DCHS2: variants seen among roughly 807,000 people sequenced by gnomAD.
The protein encoded by DCHS2 is dachsous cadherin-related 2.
A neutral mutation model predicts 182.4 loss-of-function variants in DCHS2; 142 were observed. The observed-to-expected ratio is 0.78, with a 90% CI of 0.68 to 0.89. The LOEUF is 0.89. DCHS2 is among the 40% of genes least tolerant of loss of function. The probability of loss-of-function intolerance (pLI) is 0.00; values close to 1 mark genes in which losing one functional copy is unlikely to be tolerated. For missense variants in DCHS2, 4,319 were observed against 4,198.6 expected, an observed-to-expected ratio of 1.03 and a Z score of -0.79; for synonymous variants, 1,740 against 1,663.3, an observed-to-expected ratio of 1.05 and a Z score of -1.12.
intron 12 of DCHS2, among the ~76,000 whole-genome samples, chr4:154,301,648 G>T (rs1735197834): frequency 6.6e-6 from 1 of 152,156 alleles, no homozygotes; most frequent in Non-Finnish European, 1.5e-5. Context: ...TGGGATTACA[G>T]GCATGTGCCA....
intron 3 of DCHS2, among the ~76,000 whole-genome samples, chr4:154,357,577 G>A (rs1729933253): frequency 6.6e-6 from 1 of 152,144 alleles, no homozygotes; most frequent in Non-Finnish European, 1.5e-5. Flanking sequence ...TCCCCAGCAA[G>A]CTTTTGTCTC....
chr4:154,344,413 G>A (rs1729261602), intron 3 of DCHS2, among the ~76,000 whole-genome samples: 1 of 152,090 alleles, frequency 6.6e-6, no homozygotes. Context: ...ATGGCTACTA[G>A]GTCATTTATC....
chr4:154,396,911 T>C (rs1731950755), intron 1 of DCHS2, among the ~76,000 whole-genome samples: 1 of 152,192 alleles, frequency 6.6e-6, no homozygotes, highest in Admixed American at 6.6e-5. Flanking sequence ...ATAGTGACCA[T>C]CTCCTATTTG....
At chr4:154,484,869 G>C (rs571411118) in intron 1 of DCHS2, among the ~76,000 whole-genome samples, 2 of 152,132 alleles carry the variant, frequency 1.3e-5, no homozygotes, top group Non-Finnish European at 2.9e-5. Context: ...CATCCTAAGT[G>C]GTTCTCTTTT....
In DCHS2 at chr4:154,234,874, C is replaced by T. The variant is rs1386756185; in HGVS notation, c.9778G>A (p.Glu3260Lys). The change falls in exon 20 of 20, where the codon GAA (glutamate) becomes AAA (lysine). Residue 3260 changes from glutamate to lysine, a missense_variant. Glu to Lys is a moderately conservative substitution (Grantham distance 56). Transcript: ENST00000357232. ...VFNDIAKLKD[E>K]HLHMPGIPKE... Reference sequence around the variant, plus strand: ...GGAATGCCAGGCATATGCAAATGTTCATCCTTTAGTTTTGCAATATCATTA... The same window carrying T: ...GGAATGCCAGGCATATGCAAATGTTTATCCTTTAGTTTTGCAATATCATTA... The T allele has an allele frequency of 3.7e-6, 6 of 1,613,996 alleles. No homozygotes were observed. The highest frequency in any genetic ancestry group is 5.1e-6 in the Non-Finnish European group (6 of 1,179,950).
chr4:154,236,154 TC>T lies in DCHS2; in HGVS notation c.8497del (p.Asp2833IlefsTer32). Reference sequence around the variant, plus strand: ...GTCAAGGATTTGCTTAGCATGAATATCCCCTGTCAAAGGGTCAATGAGGAAG... The same window carrying T: ...GTCAAGGATTTGCTTAGCATGAATATCCCTGTCAAAGGGTCAATGAGGAAG... Reference protein sequence around the residue: ...DLFLIDPLTGDIHAKQILDYE... With the variant: ...DLFLIDPLTGXIHAKQILDYE... On this transcript the variant is annotated frameshift_variant, in exon 20 of 20. Transcript: ENST00000357232. LOFTEE classifies it low-confidence loss of function (END_TRUNC). 1 of 1,613,766 alleles carries T rather than the reference TC, an allele frequency of 6.2e-7. No individual in the cohort carries two copies. Among genetic ancestry groups the T allele is most frequent in the Non-Finnish European group, 8.5e-7 (1 of 1,179,944 alleles).
At chr4:154,324,487 C>T (rs2111344431) in intron 7 of DCHS2, among the ~76,000 whole-genome samples, 1 of 152,250 alleles carries the variant, frequency 6.6e-6, no homozygotes, top group East Asian at 1.9e-4. Flanking sequence ...CACTTCTAGG[C>T]CTTTTCAGTG....
intron 1 of DCHS2, among the ~76,000 whole-genome samples, chr4:154,433,395 C>CTTTTTTTTTTTT (rs61553613): frequency 2.9e-5 from 3 of 103,866 alleles, no homozygotes; most frequent in African/African-American, 7.2e-5. Flanking sequence ...TTTTTTTTTC[C>CTTTTTTTTTTTT]TTTTTTTTTT....
At chr4:154,270,455 C>A (rs2111205088) in intron 13 of DCHS2, among the ~76,000 whole-genome samples, 1 of 151,842 alleles carries the variant, frequency 6.6e-6, no homozygotes, top group Non-Finnish European at 1.5e-5. Flanking sequence ...GCCACCACCA[C>A]AAAGGCTGTG....
chr4:154,444,806 G>C (rs562921702), intron 1 of DCHS2, among the ~76,000 whole-genome samples: 16 of 152,280 alleles, frequency 1.1e-4, no homozygotes, highest in African/African-American at 3.9e-4. Flanking sequence ...ATATTGGCTG[G>C]CCCCTGACCA....
intron 3 of DCHS2, among the ~76,000 whole-genome samples, chr4:154,356,016 A>C (rs1487942679): frequency 6.6e-6 from 1 of 152,110 alleles, no homozygotes; most frequent in African/African-American, 2.4e-5. Flanking sequence ...TTAATTGTAG[A>C]ACAGCCACAG....
chr4:154,436,692 C>T (rs1201547588), intron 1 of DCHS2, among the ~76,000 whole-genome samples: 1 of 152,042 alleles, frequency 6.6e-6, no homozygotes, highest in East Asian at 1.9e-4. Flanking sequence ...TTTATTTGGG[C>T]TAAAATTTGT....
chr4:154,344,020 G>T (rs1302072105), intron 3 of DCHS2, among the ~76,000 whole-genome samples: 2 of 148,072 alleles, frequency 1.4e-5, no homozygotes, highest in Non-Finnish European at 3.0e-5. Context: ...ACATTGCTGT[G>T]TCTTGGGGAT....
Position 154,405,849 on chromosome 4 carries a change from T to A in DCHS2, c.2053-28405A>T, listed in dbSNP as rs113160970. Among the ~76,000 whole-genome samples the A allele has an allele frequency of 9.3e-4, 141 of 152,320 alleles. 2 individuals are homozygous for A. The highest frequency in any genetic ancestry group is 3.4e-3 in the African/African-American group (140 of 41,566). On this transcript the variant is annotated intron_variant, in intron 1 of 19. Coordinates refer to ENST00000357232, the MANE Select transcript of DCHS2 (RefSeq NM_001358235.2). ...ACACAGTTTCATGCTTCTTAACATG[T>A]CTCGTAAGTTTTTTTTATTGTATGC...
At chr4:154,269,034 T>G (rs899076839) in intron 14 of DCHS2, 1 of 152,212 alleles carries the variant, frequency 6.6e-6, no homozygotes, top group Admixed American at 6.5e-5. Context: ...GACTTGGTGA[T>G]GTTCACAAAC....
At chr4:154,277,910 G>A (rs562059531) in intron 13 of DCHS2, among the ~76,000 whole-genome samples, 5 of 151,954 alleles carry the variant, frequency 3.3e-5, no homozygotes, top group Admixed American at 1.3e-4. Flanking sequence ...GCATGGTGGC[G>A]GGCACCTGCA....
chr4:154,270,624 A>G (rs1733544167), intron 13 of DCHS2, among the ~76,000 whole-genome samples: 1 of 151,822 alleles, frequency 6.6e-6, no homozygotes, highest in Non-Finnish European at 1.5e-5. Context: ...GCTTTTTAAA[A>G]ATATCATACT....
intron 1 of DCHS2, among the ~76,000 whole-genome samples, chr4:154,423,819 G>T (rs1369392368): frequency 3.3e-5 from 5 of 152,086 alleles, no homozygotes; most frequent in Admixed American, 3.3e-4. Context: ...TAAACCACTT[G>T]GGGATCTTGG....
At chr4:154,478,520 G>A (rs1295414485) in intron 1 of DCHS2, among the ~76,000 whole-genome samples, 1 of 152,094 alleles carries the variant, frequency 6.6e-6, no homozygotes, top group African/African-American at 2.4e-5. Context: ...CCTGAGGTTG[G>A]GTAGCAGTCA....
Sources: allele counts gnomAD v4.1 joint callset (sites outside exome capture counted in the v4.1 genomes callset), GRCh38; gene constraint gnomAD v4.1.1; transcripts MANE v1.5; gene names NCBI Gene and HGNC (gene_info 2026-07-23, HGNC 2026-07-21).